FRRS1: variants seen among roughly 807,000 people sequenced by gnomAD.
FRRS1 encodes the protein ferric chelate reductase 1.
Under a neutral mutation model 70.7 loss-of-function variants are expected in FRRS1, and 51 were observed. That is an observed-to-expected ratio of 0.72 (90% CI 0.58 to 0.91). The LOEUF is 0.91. Among genes scored for constraint, FRRS1 ranks in the 40% least tolerant of loss-of-function variants. The pLI, the probability that FRRS1 is intolerant of heterozygous loss-of-function variation, is 0.00. For synonymous variants in FRRS1, 225 were observed against 238.7 expected, an observed-to-expected ratio of 0.94 and a Z score of 0.53; for missense variants, 672 against 726.0, an observed-to-expected ratio of 0.93 and a Z score of 0.86.
chr1:99,736,676 C>G (rs4622082), intron 7 of FRRS1, among the ~76,000 whole-genome samples: 58,489 of 130,184 alleles, frequency 0.45, 17,334 homozygotes, highest in African/African-American at 0.83. Flanking sequence ...GTTAAATGAC[C>G]AGTTAATGGG....
At chr1:99,744,821 T>G (rs1227743583) in intron 4 of FRRS1, among the ~76,000 whole-genome samples, 5 of 150,734 alleles carry the variant, frequency 3.3e-5, no homozygotes, top group Admixed American at 3.3e-4. Context: ...ATACAAAAAA[T>G]TAGCCGGGCG....
chr1:99,755,515 G>A (rs1447958149), intron 1 of FRRS1, among the ~76,000 whole-genome samples: 2 of 152,172 alleles, frequency 1.3e-5, no homozygotes. Flanking sequence ...ATTAAATGTA[G>A]TCATGTGCCA....
intron 15 of FRRS1, among the ~76,000 whole-genome samples, chr1:99,709,594 T>C (rs1035151178): frequency 4.6e-5 from 7 of 152,240 alleles, no homozygotes; most frequent in Non-Finnish European, 2.9e-5. Flanking sequence ...TTTTGATATA[T>C]GCATACATTA....
At chr1:99,717,876 A>G (rs1654612259) in intron 10 of FRRS1, among the ~76,000 whole-genome samples, 1 of 152,216 alleles carries the variant, frequency 6.6e-6, no homozygotes, top group South Asian at 2.1e-4. Context: ...GAGGTTACAA[A>G]GTTGGAATAC....
chr1:99,747,517 G>GTCTACATA (rs1656340327), intron 3 of FRRS1, 87 bp from the exon 4 acceptor site: 1 of 1,206,906 alleles, frequency 8.3e-7, no homozygotes, highest in Admixed American at 2.4e-5. Flanking sequence ...TTACAATGAG[G>GTCTACATA]TCTACATATG....
At chr1:99,744,074 A>AG (rs1215601122) in intron 4 of FRRS1, among the ~76,000 whole-genome samples, 101 of 144,126 alleles carry the variant, frequency 7.0e-4, no homozygotes, top group African/African-American at 2.7e-3. Context: ...TAAAAAAAAA[A>AG]AAAAGAAAGA....
chr1:99,731,515 G>A (rs1557693838), intron 7 of FRRS1, among the ~76,000 whole-genome samples: 2 of 152,168 alleles, frequency 1.3e-5, no homozygotes, highest in Admixed American at 6.5e-5. Context: ...ACTTAAACCA[G>A]GAGTCAACAA....
At chr1:99,730,660 G>T (rs1404913056) in intron 7 of FRRS1, among the ~76,000 whole-genome samples, 1 of 152,148 alleles carries the variant, frequency 6.6e-6, no homozygotes, top group South Asian at 2.1e-4. Context: ...GAGGTCAGGA[G>T]ATCCAGACCA....
At chr1:99,730,239 G>T (rs1254127135) in intron 7 of FRRS1, among the ~76,000 whole-genome samples, 4 of 151,758 alleles carry the variant, frequency 2.6e-5, no homozygotes, top group African/African-American at 9.7e-5. Context: ...GATATTTTTT[G>T]GTAACTTCTA....
chr1:99,745,785 G>A (rs1656228549), intron 4 of FRRS1, among the ~76,000 whole-genome samples: 1 of 152,188 alleles, frequency 6.6e-6, no homozygotes, highest in Non-Finnish European at 1.5e-5. Flanking sequence ...GGTGGGAACT[G>A]GTGGGAGGTG....
Position 99,709,211 on chromosome 1 carries a change from G to A in FRRS1, c.1673C>T (p.Ala558Val), listed in dbSNP as rs567071537. Reference protein sequence around the residue: ...DRIQILQSFTAVETEGHAFKK... With the variant: ...DRIQILQSFTVVETEGHAFKK... ...AAAAGGACTTACCTCTGTTTCCACT[G>A]CAGTAAATGACTGAAGGATCTGAAT... Residue 558 changes from alanine to valine, a missense_variant, in exon 16 of 17, where the codon GCA becomes GTA. Physicochemically the swap from Ala to Val is moderately conservative, Grantham distance 64. Transcript: ENST00000646001. 2.0e-4 allele frequency: 318 copies of A among 1,608,536 alleles called. 5 individuals are homozygous for A. The South Asian group carries it at 3.3e-3, about 17-fold the overall frequency.
rs538015347 is a variant in FRRS1, at chr1:99,736,393, T to C, written c.759+1693A>G. Among the ~76,000 whole-genome samples, 18 of 152,212 alleles carry C rather than the reference T, an allele frequency of 1.2e-4. No individual in the cohort carries two copies. The South Asian group carries it at 2.1e-3, about 18-fold the overall frequency. On this transcript the variant is annotated intron_variant, in intron 7 of 16. Transcript: ENST00000646001. Reference sequence around the variant, plus strand: ...TGGTATCTTTTGTATCTCATAGACTTAAGGTATATCTTTTGTTTAATGAAA... The same window carrying C: ...TGGTATCTTTTGTATCTCATAGACTCAAGGTATATCTTTTGTTTAATGAAA...
chr1:99,762,591 A>G (rs558897881), intron 1 of FRRS1, among the ~76,000 whole-genome samples: 3 of 151,808 alleles, frequency 2.0e-5, no homozygotes, highest in African/African-American at 7.2e-5. Flanking sequence ...ACAGCTCTAC[A>G]ATGCTGTGAC....
chr1:99,738,129 C>T lies in FRRS1; in HGVS notation c.716G>A (p.Ser239Asn). The T allele has an allele frequency of 6.2e-7, 1 of 1,613,728 alleles. No homozygotes were observed. Among genetic ancestry groups the T allele is most frequent in the Non-Finnish European group, 8.5e-7 (1 of 1,179,680 alleles). Residue 239 changes from serine to asparagine, a missense_variant, in exon 7 of 17, where the codon AGT (serine) becomes AAT (asparagine). Physicochemically the swap from Ser to Asn is conservative, Grantham distance 46. Coordinates refer to ENST00000646001, the MANE Select transcript of FRRS1 (RefSeq NM_001361041.2). ...CAATGCAAAGGATAAATAGCCTTTA[C>T]TGGGGCCGCTCATTTCAACCATCAC... ...QSVMVEMSGP[S>N]KGYLSFALSH... is the part of the protein sequence containing the mutation.
intron 7 of FRRS1, among the ~76,000 whole-genome samples, chr1:99,732,611 T>C (rs1006025390): frequency 2.0e-5 from 3 of 152,146 alleles, no homozygotes; most frequent in Non-Finnish European, 4.4e-5. Flanking sequence ...TTTTCCAAGT[T>C]GAAGGACTTC....
chr1:99,742,086 C>T, intron 5 of FRRS1, 93 bp downstream of exon 5: 1 of 767,726 alleles, frequency 1.3e-6, no homozygotes, highest in South Asian at 1.6e-5. Flanking sequence ...AAATCCTGGG[C>T]TCAAGTGATC....
rs1654027825 is a variant in FRRS1, at chr1:99,706,011, A to G, written c.*3017T>C. Among the ~76,000 whole-genome samples the G allele has an allele frequency of 6.6e-6, 1 of 152,216 alleles. No individual in the cohort carries two copies. The highest frequency in any genetic ancestry group is 2.4e-5 in the African/African-American group (1 of 41,452). ...AGAAACAAAAAGAAAAACTGAGAGG[A>G]GTGAAGACTAGGCATTTGCAATTTG... On this transcript the variant is annotated 3_prime_UTR_variant, in exon 17 of 17. Transcript: ENST00000646001.
In FRRS1 at chr1:99,710,248, C is replaced by A. The variant is rs569560190; in HGVS notation, c.1624+558G>T. ...ATCCAGGCTAAATGATACCCATTCC[C>A]TACTAATTTCTCCACTCCTAATGGT... On this transcript the variant is annotated intron_variant, in intron 15 of 16. Coordinates refer to ENST00000646001, the MANE Select transcript of FRRS1 (RefSeq NM_001361041.2). 2.6e-5 allele frequency among the ~76,000 whole-genome samples: 4 copies of A among 152,294 alleles called. No individual in the cohort carries two copies. The East Asian group carries it at 7.7e-4, about 29-fold the overall frequency.
chr1:99,720,834 A>AACACACAC (rs57397996), intron 9 of FRRS1, among the ~76,000 whole-genome samples: 114 of 137,328 alleles, frequency 8.3e-4, no homozygotes, highest in Non-Finnish European at 1.2e-3. Context: ...AGCATTTCCT[A>AACACACAC]ACACACACAC....
Sources: gnomAD v4.1 joint callset for allele counts (sites outside exome capture counted in the v4.1 genomes callset) on GRCh38, gnomAD v4.1.1 for gene constraint, MANE v1.5 for transcripts, NCBI Gene and HGNC (gene_info 2026-07-23, HGNC 2026-07-21) for gene names.